AHCYL2: variants seen among roughly 807,000 people sequenced by gnomAD.
The protein encoded by AHCYL2 is S-adenosylhomocysteine hydrolase-like protein 2.
Under a neutral mutation model 81.4 loss-of-function variants are expected in AHCYL2, and 28 were observed. That is an observed-to-expected ratio of 0.34 (90% CI 0.25 to 0.47). AHCYL2 has a LOEUF of 0.47. AHCYL2 is among the 20% of genes least tolerant of loss of function. AHCYL2 has a pLI of 1.00. For synonymous variants in AHCYL2, 272 were observed against 290.2 expected (o/e 0.94, Z 0.64); for missense variants, 551 against 785.1 (o/e 0.70, Z 3.56).
Position 129,362,167 on chromosome 7 carries a change from TACAG to T in AHCYL2, c.364-17467_364-17464del, listed in dbSNP as rs570935317. Among the ~76,000 whole-genome samples the T allele has an allele frequency of 7.4e-4, 112 of 152,230 alleles. 1 individual carries two copies. Among genetic ancestry groups the T allele is most frequent in the African/African-American group, 2.6e-3 (109 of 41,554 alleles). Reference sequence around the variant, plus strand: ...TGTAGAAGATACTGTTATCCTGATTTACAGACAAAGAAACAAAGGTTCAAAAAGG... The same window carrying T: ...TGTAGAAGATACTGTTATCCTGATTTACAAAGAAACAAAGGTTCAAAAAGG... On this transcript the variant is annotated intron_variant, in intron 1 of 16. Transcript: ENST00000325006.
At chr7:129,410,185 A>G (rs1796499643) in intron 11 of AHCYL2, 6 of 1,612,138 alleles carry the variant, frequency 3.7e-6, no homozygotes, top group Non-Finnish European at 5.1e-6. Context: ...CAATCCGATC[A>G]TTGATCATTT....
At chr7:129,251,504 C>T (rs1315472742) in intron 1 of AHCYL2, among the ~76,000 whole-genome samples, 1 of 151,974 alleles carries the variant, frequency 6.6e-6, no homozygotes, top group African/African-American at 2.4e-5. Context: ...TTTCCAGTTT[C>T]TTCTTAGTAA....
intron 1 of AHCYL2, among the ~76,000 whole-genome samples, chr7:129,308,312 A>G (rs1797517645): frequency 6.6e-6 from 1 of 152,092 alleles, no homozygotes; most frequent in Non-Finnish European, 1.5e-5. Flanking sequence ...GCTTTTCTGA[A>G]TGCTCCCTCT....
chr7:129,368,685 C>A lies in AHCYL2; in HGVS notation c.364-10953C>A, dbSNP rs778109103. On this transcript the variant is annotated intron_variant, in intron 1 of 16. Transcript: ENST00000325006. The surrounding 1 kb of genome is among the most constrained non-coding windows in gnomAD (Gnocchi z 4.4). The stretch of plus-strand genomic sequence containing the variant: ...GGTTGGAAAAACAGTTATTACTCTA[C>A]GTTCTGATTAGTTCCTAGGTACTAG... 9.3e-7 allele frequency: 1 copy of A among 1,080,560 alleles called. No homozygotes were observed. The highest frequency in any genetic ancestry group is 1.4e-6 in the Non-Finnish European group (1 of 724,492). The allele number at this position is 1,080,560 out of a possible 1,614,324, so 66.9% of individuals were successfully genotyped here.
At chr7:129,388,114 T>A (rs1043667510) in intron 2 of AHCYL2, 9 of 152,192 alleles carry the variant, frequency 5.9e-5, no homozygotes, top group African/African-American at 1.9e-4. Context: ...CAGTACTTAT[T>A]CCATTGAGAG....
Position 129,368,173 on chromosome 7 carries a change from G to C in AHCYL2, c.364-11465G>C. On this transcript the variant is annotated intron_variant, in intron 1 of 16. Coordinates refer to ENST00000325006, the MANE Select transcript of AHCYL2 (RefSeq NM_015328.4). The surrounding 1 kb of genome is among the most constrained non-coding windows in gnomAD (Gnocchi z 4.4). ...CAGAAAGTCCCCACTGGGGAGGTGCGGGTAGAGTGTTTGGGTAGCATTAAA... is the reference window on the plus strand; with the variant it reads ...CAGAAAGTCCCCACTGGGGAGGTGCCGGTAGAGTGTTTGGGTAGCATTAAA... 1.8e-6 allele frequency: 2 copies of C among 1,119,796 alleles called. No individual in the cohort carries two copies. The highest frequency in any genetic ancestry group is 2.2e-6 in the Non-Finnish European group (2 of 914,536). 69.4% of individuals were successfully genotyped at this position (1,119,796 alleles called of 1,614,324 possible). A position where few individuals can be genotyped will look rare whatever the true frequency, so the allele number is the denominator to read the frequency against.
chr7:129,409,093 A>G (rs1796442653), intron 10 of AHCYL2, among the ~76,000 whole-genome samples: 1 of 151,864 alleles, frequency 6.6e-6, no homozygotes, highest in Non-Finnish European at 1.5e-5. Context: ...TCTCTAAAAA[A>G]AAAAAAACAC....
intron 1 of AHCYL2, among the ~76,000 whole-genome samples, chr7:129,252,119 T>C (rs1795267977): frequency 6.6e-6 from 1 of 152,180 alleles, no homozygotes; most frequent in Non-Finnish European, 1.5e-5. Flanking sequence ...ACTCTCTCCC[T>C]TTAGCAACCT....
chr7:129,424,830 C>G, intron 13 of AHCYL2, 44 bp from the exon 14 acceptor site: 1 of 1,607,122 alleles, frequency 6.2e-7, no homozygotes, highest in Non-Finnish European at 8.5e-7. Context: ...CAAAGGCCAG[C>G]GACTTTGTCC....
At chr7:129,322,837 C>G (rs1253467282) in intron 1 of AHCYL2, among the ~76,000 whole-genome samples, 1 of 152,164 alleles carries the variant, frequency 6.6e-6, no homozygotes, top group Non-Finnish European at 1.5e-5. Flanking sequence ...CTCAAGTGAT[C>G]CACCTGCTTC....
intron 1 of AHCYL2, among the ~76,000 whole-genome samples, chr7:129,248,777 TTAA>T (rs1249961294): frequency 6.6e-6 from 1 of 152,144 alleles, no homozygotes; most frequent in East Asian, 1.9e-4. Context: ...AATTCCCATC[TTAA>T]TGATACTGAG....
chr7:129,342,707 T>A lies in AHCYL2; in HGVS notation c.364-36931T>A, dbSNP rs570017256. Among the ~76,000 whole-genome samples, 14 of 152,340 alleles carry A rather than the reference T, an allele frequency of 9.2e-5. No individual in the cohort carries two copies. The East Asian group carries it at 2.7e-3, about 29-fold the overall frequency. On this transcript the variant is annotated intron_variant, in intron 1 of 16. Transcript: ENST00000325006. ...GACTGTTTCAAAGTGGTAGACCTTA[T>A]TTTAAAGTAAGAGCATTTATTTTAC...
chr7:129,282,697 A>C (rs1391572305), intron 1 of AHCYL2, among the ~76,000 whole-genome samples: 1 of 151,662 alleles, frequency 6.6e-6, no homozygotes, highest in African/African-American at 2.4e-5. Context: ...TTCATGGGTC[A>C]TATTTTCTTT....
At chr7:129,400,072 C>T (rs1437194770) in intron 5 of AHCYL2, among the ~76,000 whole-genome samples, 2 of 152,066 alleles carry the variant, frequency 1.3e-5, no homozygotes, top group Non-Finnish European at 2.9e-5. Context: ...GTCCATTCTG[C>T]TTGTCCTCCT....
Position 129,405,874 on chromosome 7 carries a change from A to G in AHCYL2, c.1181A>G (p.Gln394Arg), listed in dbSNP as rs1438804061. 6.2e-7 allele frequency: 1 copy of G among 1,613,842 alleles called. No homozygotes were observed. Among genetic ancestry groups the G allele is most frequent in the Admixed American group, 1.7e-5 (1 of 59,994 alleles). Reference sequence around the variant, plus strand: ...ACAGACATGATGTTTGGTGGAAAGCAAGTGGTAGTCTGTGGCTATGGAGAG... The same window carrying G: ...ACAGACATGATGTTTGGTGGAAAGCGAGTGGTAGTCTGTGGCTATGGAGAG... ...RTTDMMFGGK[Q>R]VVVCGYGEVG... is the part of the protein sequence containing the mutation. The change falls in exon 9 of 17, where the codon CAA becomes CGA. Residue 394 changes from glutamine to arginine, a missense_variant. This residue lies in a region of AHCYL2 where 316 missense variants were observed against 543.1 expected (regional missense o/e 0.58). Coordinates refer to ENST00000325006, the MANE Select transcript of AHCYL2 (RefSeq NM_015328.4).
Position 129,368,132 on chromosome 7 carries a change from A to G in AHCYL2, c.364-11506A>G. The G allele has an allele frequency of 9.6e-7, 1 of 1,041,620 alleles. No homozygotes were observed. The highest frequency in any genetic ancestry group is 1.2e-6 in the Non-Finnish European group (1 of 865,648). 64.5% of individuals were successfully genotyped at this position (1,041,620 alleles called of 1,614,324 possible). A position where few individuals can be genotyped will look rare whatever the true frequency, so the allele number is the denominator to read the frequency against. The stretch of plus-strand genomic sequence containing the variant: ...TGCCTCACACACAGGGAAAGAAGGA[A>G]GTCCAACTATTGCTGCAGAAAGTCC... On this transcript the variant is annotated intron_variant, in intron 1 of 16. Transcript: ENST00000325006. This position sits in a 1 kb window ranked among gnomAD's most constrained non-coding sequence, Gnocchi z 4.4.
intron 1 of AHCYL2, among the ~76,000 whole-genome samples, chr7:129,373,180 T>C (rs1794497693): frequency 6.6e-6 from 1 of 152,134 alleles, no homozygotes; most frequent in South Asian, 2.1e-4. Flanking sequence ...GTGGTTAAGA[T>C]CCAGCAATGT....
At chr7:129,316,424 A>G (rs906690945) in intron 1 of AHCYL2, among the ~76,000 whole-genome samples, 3 of 152,134 alleles carry the variant, frequency 2.0e-5, no homozygotes, top group Non-Finnish European at 4.4e-5. Context: ...GCAAATTTAT[A>G]CCTCTCTAAA....
chr7:129,277,805 C>T (rs549302247), intron 1 of AHCYL2, among the ~76,000 whole-genome samples: 5 of 152,184 alleles, frequency 3.3e-5, no homozygotes, highest in Non-Finnish European at 7.3e-5. Context: ...GTAGTACCAT[C>T]GTATGGTTAG....
Sources: allele counts gnomAD v4.1 joint callset (sites outside exome capture counted in the v4.1 genomes callset), GRCh38; gene constraint gnomAD v4.1.1; regional missense constraint gnomAD v4.1.1; non-coding constraint Gnocchi (gnomAD v3.1); transcripts MANE v1.5; gene names NCBI Gene and HGNC (gene_info 2026-07-23, HGNC 2026-07-21).